USHBP1: variants seen among roughly 807,000 people sequenced by gnomAD.
USHBP1 encodes USH1 protein network component harmonin binding protein 1.
Under a neutral mutation model 76.2 loss-of-function variants are expected in USHBP1, and 67 were observed. The ratio of observed to expected loss-of-function variants is 0.88; its 90% CI spans 0.72 to 1.08. USHBP1 has a LOEUF of 1.08. USHBP1 is among the 50% of genes least tolerant of loss of function. The pLI is 0.00. For missense variants in USHBP1, 931 were observed against 915.0 expected (o/e 1.02, Z -0.23); for synonymous variants, 322 against 362.2 (o/e 0.89, Z 1.26).
Position 17,259,995 on chromosome 19 carries a change from T to G in USHBP1, c.670A>C (p.Arg224=), listed in dbSNP as rs2145590889. ...EVQELQDSLL[R]LEPCPHLSHN... is the part of the protein sequence containing the mutation. ...GAAAGATGTGGGCAGGGCTCCAGCC[T>G]CAAGAGGGAATCCTGCAGCTCTTGA... Residue 224 remains arginine, a synonymous_variant, in exon 5 of 13, where the codon AGG becomes CGG. Transcript: ENST00000252597. The G allele has an allele frequency of 6.2e-7, 1 of 1,613,676 alleles. No individual in the cohort carries two copies. Among genetic ancestry groups the G allele is most frequent in the Admixed American group, 1.7e-5 (1 of 59,988 alleles).
chr19:17,262,529 G>T (rs1349994325), intron 4 of USHBP1, 23 bp downstream of exon 4: 1 of 1,582,670 alleles, frequency 6.3e-7, no homozygotes, highest in Admixed American at 1.7e-5. Context: ...GAGCCACATG[G>T]GACTCAGGAT....
chr19:17,255,540 G>A lies in USHBP1; in HGVS notation c.1537C>T (p.Arg513Trp), dbSNP rs375995208. Residue 513 changes from arginine (R) to tryptophan (W), a missense_variant, in exon 10 of 13, where the codon CGG becomes TGG. Arg to Trp is a moderately radical substitution (Grantham distance 101). Transcript: ENST00000252597. The part of the protein sequence containing the change: ...VRREKRGLEL[R>W]EAALRALGPA... ...CCCAGGGCTCGGAGGGCAGCCTCCC[G>A]CAGCTCTAGGCCCCGCTTCTCACGC... The A allele has an allele frequency of 4.3e-6, 7 of 1,613,606 alleles. No individual in the cohort carries two copies. The highest frequency in any genetic ancestry group is 1.3e-5 in the African/African-American group (1 of 74,908).
chr19:17,259,332 G>A lies in USHBP1; in HGVS notation c.1003C>T (p.Arg335Trp), dbSNP rs562060158. Residue 335 changes from arginine to tryptophan, a missense_variant, in exon 7 of 13, where the codon CGG (arginine) becomes TGG (tryptophan). Arg to Trp is a moderately radical substitution (Grantham distance 101). Transcript: ENST00000252597. ...CEGLSMQLGQ[R>W]EAEATALHLA... Reference sequence around the variant, plus strand: ...TGCAATGCTGTGGCCTCAGCCTCCCGCTGGCCTAGCTGCATGCTGAGGCCT... The same window carrying A: ...TGCAATGCTGTGGCCTCAGCCTCCCACTGGCCTAGCTGCATGCTGAGGCCT... The A allele has an allele frequency of 2.2e-5, 35 of 1,614,006 alleles. No homozygotes were observed. The highest frequency in any genetic ancestry group is 4.5e-5 in the East Asian group (2 of 44,884).
In USHBP1 at chr19:17,264,278, G is replaced by T. The variant is rs182848302; in HGVS notation, c.22C>A (p.Pro8Thr). Residue 8 changes from proline (P) to threonine (T), a missense_variant, in exon 2 of 13, where the codon CCC becomes ACC. Transcript: ENST00000252597. Reference sequence around the variant, plus strand: ...GCATGCCTCCCTCGCCGGCTTCGGGGCCGCGTGGCCCGGGCACTCATTGCT... The same window carrying T: ...GCATGCCTCCCTCGCCGGCTTCGGGTCCGCGTGGCCCGGGCACTCATTGCT... MSARATR[P>T]RSRRGRHAPP... is the part of the protein sequence containing the mutation. The T allele has an allele frequency of 7.7e-5, 125 of 1,613,342 alleles. No individual in the cohort carries two copies. In the East Asian group the frequency reaches 2.4e-3, roughly 31 times the overall value.
chr19:17,262,774 G>T lies in USHBP1; in HGVS notation c.420C>A (p.Pro140=). The change falls in exon 4 of 13, where the codon CCC becomes CCA. Residue 140 remains proline (P), a synonymous_variant. Coordinates refer to ENST00000252597, the MANE Select transcript of USHBP1 (RefSeq NM_031941.4). ...ACTCCATCGGCCCAGAATGGCTGGGGGGCTGGTGGCGCCAGGCTGCAGCCG... is the reference window on the plus strand; with the variant it reads ...ACTCCATCGGCCCAGAATGGCTGGGTGGCTGGTGGCGCCAGGCTGCAGCCG... ...EAAAAAWRHQ[P]PSHSGPMEFE... is the part of the protein sequence containing the mutation. 6.2e-7 allele frequency: 1 copy of T among 1,614,158 alleles called. No homozygotes were observed. Among genetic ancestry groups the T allele is most frequent in the Non-Finnish European group, 8.5e-7 (1 of 1,180,018 alleles).
At chr19:17,258,708 C>CA (rs34398867) in intron 7 of USHBP1, 15,092 of 95,272 alleles carry the variant, frequency 0.16, 862 homozygotes, top group African/African-American at 0.28. Flanking sequence ...GACTCTGTCT[C>CA]AAAAAAAAAA....
chr19:17,263,173 G>A, intron 3 of USHBP1, 183 bp from the exon 4 acceptor site: 1 of 514,096 alleles, frequency 1.9e-6, no homozygotes. Context: ...AAGTAGCTGG[G>A]ATTACAGGCT....
chr19:17,259,323 C>T lies in USHBP1; in HGVS notation c.1012G>A (p.Glu338Lys). ...AAGGCCAGATGCAATGCTGTGGCCT[C>T]AGCCTCCCGCTGGCCTAGCTGCATG... is the stretch of plus-strand genomic sequence containing the variant. ...LSMQLGQREAEATALHLALQY... is the reference protein window; with the variant it reads ...LSMQLGQREAKATALHLALQY... The change falls in exon 7 of 13, where the codon GAG (glutamate) becomes AAG (lysine). Residue 338 changes from glutamate (E) to lysine (K), a missense_variant. Physicochemically the swap from Glu to Lys is moderately conservative, Grantham distance 56. Transcript: ENST00000252597. 2 of 1,614,076 alleles carry T rather than the reference C, an allele frequency of 1.2e-6. No individual in the cohort carries two copies. The highest frequency in any genetic ancestry group is 1.7e-6 in the Non-Finnish European group (2 of 1,180,000).
chr19:17,257,311 G>A lies in USHBP1; in HGVS notation c.1221-591C>T, dbSNP rs180850062. On this transcript the variant is annotated intron_variant, in intron 8 of 12. Transcript: ENST00000252597. Reference sequence around the variant, plus strand: ...CTCCCAAAGTGCTGGGATTACAGGCGTGAGCCACCGCGCCTGGCCGAGAAT... The same window carrying A: ...CTCCCAAAGTGCTGGGATTACAGGCATGAGCCACCGCGCCTGGCCGAGAAT... Among the ~76,000 whole-genome samples the A allele has an allele frequency of 9.7e-3, 1,420 of 146,308 alleles. 26 individuals carry two copies. Among genetic ancestry groups the A allele is most frequent in the African/African-American group, 0.033 (1,323 of 40,374 alleles).
chr19:17,259,245 C>T (rs1439072649), intron 7 of USHBP1, 44 bp downstream of exon 7: 2 of 1,557,302 alleles, frequency 1.3e-6, no homozygotes, highest in Non-Finnish European at 1.7e-6. Flanking sequence ...TCAGAAAGCC[C>T]ACTCCCTCCC....
In USHBP1 at chr19:17,263,864, C is replaced by CA. The variant is rs1035867903; in HGVS notation, c.203+137dup. On this transcript the variant is annotated intron_variant, in intron 3 of 12. Transcript: ENST00000252597. ...ACAGCCTGGGTGACACAGCAAGACT[C>CA]AAAAAAAAAAGAAAGTCAGGCTGAA... 6.6e-3 allele frequency: 6,812 copies of CA among 1,030,208 alleles called. 1 individual carries two copies. Among genetic ancestry groups the CA allele is most frequent in the South Asian group, 7.8e-3 (378 of 48,164 alleles). 63.8% of individuals were successfully genotyped at this position (1,030,208 alleles called of 1,614,324 possible).
In USHBP1 at chr19:17,257,020, C is replaced by CTT. The variant is rs574690408; in HGVS notation, c.1221-302_1221-301dup. On this transcript the variant is annotated intron_variant, in intron 8 of 12. Coordinates refer to ENST00000252597, the MANE Select transcript of USHBP1 (RefSeq NM_031941.4). ...CATAGGCAACAGAGTGAGAATCCGT[C>CTT]TTTTTTTTTTTTTTTTTTGAGACGC... Among the ~76,000 whole-genome samples, 648 of 131,810 alleles carry CTT rather than the reference C, an allele frequency of 4.9e-3. 4 individuals carry two copies. The highest frequency in any genetic ancestry group is 8.1e-3 in the Middle Eastern group (2 of 248). The allele number at this position is 131,810 out of a possible 152,430, so 86.5% of individuals were successfully genotyped here. A position where few individuals can be genotyped will look rare whatever the true frequency, so the allele number is the denominator to read the frequency against.
At position 17,249,560 on chromosome 19, in the gene USHBP1, C is replaced by G. The variant is rs1403604406; in HGVS notation, c.*665G>C. On this transcript the variant is annotated 3_prime_UTR_variant, in exon 13 of 13. Coordinates refer to ENST00000252597, the MANE Select transcript of USHBP1 (RefSeq NM_031941.4). ...CTGGAGTGCAGTGGCGTGATCTCAGCTCACTGCAACCTCCACTTCCCAAGC... is the reference window on the plus strand; with the variant it reads ...CTGGAGTGCAGTGGCGTGATCTCAGGTCACTGCAACCTCCACTTCCCAAGC... 1 of 152,430 alleles carries G rather than the reference C, an allele frequency of 6.6e-6. No individual in the cohort carries two copies. Among genetic ancestry groups the G allele is most frequent in the Admixed American group, 6.6e-5 (1 of 15,256 alleles). The allele number at this position is 152,430 out of a possible 1,614,324, so 9.4% of individuals were successfully genotyped here. A position where few individuals can be genotyped will look rare whatever the true frequency, so the allele number is the denominator to read the frequency against.
rs1293499029 is a variant in USHBP1 at position 17,251,685 on chromosome 19, G to A, written c.1819C>T (p.Gln607Ter). The A allele has an allele frequency of 6.2e-7, 1 of 1,613,506 alleles. No homozygotes were observed. The highest frequency in any genetic ancestry group is 1.1e-5 in the South Asian group (1 of 91,078). ...SLTRTLDLQE[Q>*]LQSLRRELEQ... ...AGCTCCCTGCGCAGAGACTGCAGCT[G>A]CTCCTGCAGGTCCAGTGTCCTGTTG... is the stretch of plus-strand genomic sequence containing the variant. The change falls in exon 12 of 13, where the codon CAG becomes TAG. Residue 607 changes from glutamine (Q) to a stop codon, truncating the protein, a stop_gained. Transcript: ENST00000252597. LOFTEE classifies it high-confidence loss of function.
chr19:17,260,738 G>A (rs1422533570), intron 4 of USHBP1, among the ~76,000 whole-genome samples: 1 of 152,104 alleles, frequency 6.6e-6, no homozygotes, highest in African/African-American at 2.4e-5. Flanking sequence ...GCTCCCTTGA[G>A]GACCCCACGT....
In USHBP1 at chr19:17,257,846, G is replaced by A. The variant is rs983006206; in HGVS notation, c.1220+366C>T. 2.6e-5 allele frequency among the ~76,000 whole-genome samples: 4 copies of A among 151,940 alleles called. No individual in the cohort carries two copies. The Middle Eastern group carries it at 0.01, about 393-fold the overall frequency. On this transcript the variant is annotated intron_variant, in intron 8 of 12. Transcript: ENST00000252597. ...GTAGTTTTGGTAGAGAAGGACTTTC[G>A]CCATGTTACAAGGGCTGGTCTTGAA...
Position 17,259,326 on chromosome 19 carries a change from C to T in USHBP1, c.1009G>A (p.Ala337Thr). Residue 337 changes from alanine to threonine, a missense_variant, in exon 7 of 13, where the codon GCT becomes ACT. By Grantham distance (58) the Ala-to-Thr change is moderately conservative (BLOSUM62 0). Coordinates refer to ENST00000252597, the MANE Select transcript of USHBP1 (RefSeq NM_031941.4). ...GLSMQLGQRE[A>T]EATALHLALQ... ...GCCAGATGCAATGCTGTGGCCTCAGCCTCCCGCTGGCCTAGCTGCATGCTG... is the reference window on the plus strand; with the variant it reads ...GCCAGATGCAATGCTGTGGCCTCAGTCTCCCGCTGGCCTAGCTGCATGCTG... 1.2e-6 allele frequency: 2 copies of T among 1,614,094 alleles called. No individual in the cohort carries two copies. Among genetic ancestry groups the T allele is most frequent in the South Asian group, 1.1e-5 (1 of 91,086 alleles).
At chr19:17,263,590 A>G (rs1343472916) in intron 3 of USHBP1, 1 of 164,184 alleles carries the variant, frequency 6.1e-6, no homozygotes, top group African/African-American at 2.4e-5. Flanking sequence ...GTTTCTGGAA[A>G]TAGGGTCTTC....
intron 6 of USHBP1, 62 bp from the exon 7 acceptor site, chr19:17,259,491 T>A (rs1361024822): frequency 1.2e-6 from 2 of 1,608,646 alleles, no homozygotes; most frequent in Non-Finnish European, 1.7e-6. Flanking sequence ...AGGCCTCAAT[T>A]TCCACCCTTT....
Sources: allele counts gnomAD v4.1 joint callset (sites outside exome capture counted in the v4.1 genomes callset), GRCh38; gene constraint gnomAD v4.1.1; transcripts MANE v1.5; gene names NCBI Gene and HGNC (gene_info 2026-07-23, HGNC 2026-07-21).